CDYL2: variants seen among roughly 807,000 people sequenced by gnomAD.
CDYL2 encodes the protein chromodomain Y like 2.
A neutral mutation model predicts 49.4 loss-of-function variants in CDYL2; 23 were observed. The ratio of observed to expected loss-of-function variants is 0.47; its 90% CI spans 0.34 to 0.66. CDYL2 has a LOEUF of 0.66. CDYL2 is among the 30% of genes least tolerant of loss of function. The pLI is 0.01. For missense variants in CDYL2, 678 were observed against 656.4 expected (o/e 1.03, Z -0.36); for synonymous variants, 360 against 268.8 (o/e 1.34, Z -3.32).
intron 1 of CDYL2, among the ~76,000 whole-genome samples, chr16:80,730,236 T>TG (rs1905281678): frequency 6.6e-6 from 1 of 150,760 alleles, no homozygotes; most frequent in South Asian, 2.1e-4. Flanking sequence ...GAGAGAAGAA[T>TG]CAAACAGATG....
At chr16:80,679,089 A>G (rs913956062) in intron 2 of CDYL2, among the ~76,000 whole-genome samples, 31 of 122,934 alleles carry the variant, frequency 2.5e-4, no homozygotes, top group African/African-American at 9.4e-4. Context: ...AGGAAGGGGA[A>G]CATCACACTC....
rs141862110 is a variant in CDYL2 at position 80,620,867 on chromosome 16, G to A, written c.903C>T (p.Ser301=). 2.9e-5 allele frequency: 46 copies of A among 1,612,556 alleles called. No individual in the cohort carries two copies. Among genetic ancestry groups the A allele is most frequent in the African/African-American group, 2.0e-4 (15 of 74,918 alleles). The change falls in exon 4 of 7, where the codon AGC becomes AGT. Residue 301 remains serine, a synonymous_variant. Coordinates refer to ENST00000570137, the MANE Select transcript of CDYL2 (RefSeq NM_152342.4). ...ATDDSKLLLL[S]AVGSVFCSGL... ...CGCTGCAGAACACGCTCCCCACTGC[G>A]CTGAGGAGCAGCAGTTTGCTGTCGT...
intron 1 of CDYL2, among the ~76,000 whole-genome samples, chr16:80,686,852 T>C (rs1392632025): frequency 1.3e-5 from 2 of 152,230 alleles, no homozygotes; most frequent in Non-Finnish European, 2.9e-5. Context: ...TTTATCTCCA[T>C]CCAAACTGGC....
intron 2 of CDYL2, among the ~76,000 whole-genome samples, chr16:80,681,898 A>G (rs1320500854): frequency 6.6e-6 from 1 of 152,112 alleles, no homozygotes; most frequent in Non-Finnish European, 1.5e-5. Flanking sequence ...AGCATGGTGA[A>G]TAACTCTTAG....
intron 3 of CDYL2, among the ~76,000 whole-genome samples, chr16:80,626,645 C>T (rs1907317486): frequency 6.6e-6 from 1 of 152,194 alleles, no homozygotes; most frequent in Admixed American, 6.5e-5. Context: ...GAAAACAAGG[C>T]ATGGCGTGTG....
chr16:80,617,885 T>C (rs548452846), intron 4 of CDYL2, among the ~76,000 whole-genome samples: 1 of 152,192 alleles, frequency 6.6e-6, no homozygotes, highest in Non-Finnish European at 1.5e-5. Flanking sequence ...TTCTCAACCC[T>C]GGCTGCACCT....
At chr16:80,662,835 T>C in intron 2 of CDYL2, 2 of 448,466 alleles carry the variant, frequency 4.5e-6, no homozygotes, top group South Asian at 3.2e-5. Flanking sequence ...TTGACAAGGA[T>C]TTTCTCAAAT....
At chr16:80,624,588 A>G (rs1907223998) in intron 3 of CDYL2, among the ~76,000 whole-genome samples, 1 of 152,236 alleles carries the variant, frequency 6.6e-6, no homozygotes, top group Non-Finnish European at 1.5e-5. Flanking sequence ...CAAAAATCAC[A>G]AAACACTTGG....
intron 1 of CDYL2, among the ~76,000 whole-genome samples, chr16:80,783,654 C>T (rs1352543265): frequency 2.0e-5 from 3 of 152,034 alleles, no homozygotes; most frequent in African/African-American, 4.8e-5. Context: ...TATTATTCAG[C>T]CATAAAAAGG....
intron 2 of CDYL2, among the ~76,000 whole-genome samples, chr16:80,678,921 A>G (rs1335412852): frequency 6.6e-6 from 1 of 151,320 alleles, no homozygotes; most frequent in Non-Finnish European, 1.5e-5. Flanking sequence ...ACCATGGAAT[A>G]CTATGCAGCC....
At chr16:80,673,706 T>C (rs967808021) in intron 2 of CDYL2, among the ~76,000 whole-genome samples, 7 of 152,152 alleles carry the variant, frequency 4.6e-5, no homozygotes, top group African/African-American at 1.7e-4. Flanking sequence ...GAATAGCAAA[T>C]CCTTAAAGAT....
intron 1 of CDYL2, among the ~76,000 whole-genome samples, chr16:80,742,865 G>C (rs1266772411): frequency 6.6e-6 from 1 of 151,336 alleles, no homozygotes; most frequent in East Asian, 2.0e-4. Context: ...ATATGAATGG[G>C]TGAGTGGGTA....
chr16:80,713,306 A>C (rs1392171460), intron 1 of CDYL2, among the ~76,000 whole-genome samples: 4 of 152,214 alleles, frequency 2.6e-5, no homozygotes, highest in African/African-American at 7.2e-5. Flanking sequence ...AGAACAGTGC[A>C]TTGTGGGAGA....
In CDYL2 at chr16:80,624,711, G is replaced by A. The variant is rs372369890; in HGVS notation, c.835-3776C>T. On this transcript the variant is annotated intron_variant, in intron 3 of 6. Transcript: ENST00000570137. ...GGGATGTTTCAAATAATCACAGAGAGGAAAACAGACATGAACAATAAGGAA... is the reference window on the plus strand; with the variant it reads ...GGGATGTTTCAAATAATCACAGAGAAGAAAACAGACATGAACAATAAGGAA... Among the ~76,000 whole-genome samples the A allele has an allele frequency of 9.9e-5, 15 of 152,102 alleles. No homozygotes were observed. In the East Asian group the frequency reaches 1.4e-3, roughly 14 times the overall value.
intron 1 of CDYL2, among the ~76,000 whole-genome samples, chr16:80,728,598 G>T (rs1308860823): frequency 6.6e-6 from 1 of 151,948 alleles, no homozygotes; most frequent in Non-Finnish European, 1.5e-5. Context: ...TACAGAGAAT[G>T]CCACAAAGAT....
intron 1 of CDYL2, among the ~76,000 whole-genome samples, chr16:80,685,847 GC>G (rs1910168439): frequency 6.6e-6 from 1 of 152,076 alleles, no homozygotes; most frequent in African/African-American, 2.4e-5. Flanking sequence ...TACTCACTAG[GC>G]CATACTAACT....
Position 80,684,534 on chromosome 16 carries a change from A to C in CDYL2, c.616+4T>G. On this transcript the variant is annotated splice_donor_region_variant and intron_variant, in intron 2 of 6. Coordinates refer to ENST00000570137, the MANE Select transcript of CDYL2 (RefSeq NM_152342.4). ...CAAACCCAAGAGAAAGAAAAGCTAC[A>C]AACCGAGCCCGTTCTCCGCCAGTGT... 1 of 1,608,322 alleles carries C rather than the reference A, an allele frequency of 6.2e-7. No individual in the cohort carries two copies. Among genetic ancestry groups the C allele is most frequent in the Non-Finnish European group, 8.5e-7 (1 of 1,176,292 alleles).
intron 3 of CDYL2, among the ~76,000 whole-genome samples, chr16:80,621,533 G>A (rs774485393): frequency 2.0e-5 from 3 of 152,206 alleles, no homozygotes; most frequent in Admixed American, 1.3e-4. Flanking sequence ...GAGCCATGCT[G>A]GTTATTCATC....
intron 1 of CDYL2, among the ~76,000 whole-genome samples, chr16:80,766,098 G>A (rs980787934): frequency 6.6e-6 from 1 of 151,982 alleles, no homozygotes; most frequent in African/African-American, 2.4e-5. Flanking sequence ...GGGGTGGCAT[G>A]CAGTGACAGC....
Sources: allele counts gnomAD v4.1 joint callset (sites outside exome capture counted in the v4.1 genomes callset), GRCh38; gene constraint gnomAD v4.1.1; transcripts MANE v1.5; gene names NCBI Gene and HGNC (gene_info 2026-07-23, HGNC 2026-07-21).